DACH2: variants seen among roughly 807,000 people sequenced by gnomAD.
The protein encoded by DACH2 is dachshund family transcription factor 2, also known as dachshund homolog 2.
DACH2 carries 17 observed loss-of-function variants against 35.8 expected under a neutral mutation model. That is an observed-to-expected ratio of 0.48 (90% CI 0.33 to 0.71). The LOEUF (loss-of-function observed/expected upper bound fraction) is 0.71, where lower values mean the gene tolerates loss of function less well. Ranked by LOEUF, DACH2 falls within the 30% of genes least tolerant of loss-of-function variation. The probability of loss-of-function intolerance (pLI) is 0.02; values close to 1 mark genes in which losing one functional copy is unlikely to be tolerated. For synonymous variants in DACH2, 195 were observed against 177.3 expected (o/e 1.10, Z -0.79); for missense variants, 469 against 472.7 (o/e 0.99, Z 0.07).
At position 86,538,442 on chromosome X, in the gene DACH2, A is replaced by T. The variant is rs73245334; in HGVS notation, c.640+24051A>T. Among the ~76,000 whole-genome samples the T allele has an allele frequency of 8.5e-4, 95 of 111,958 alleles. 1 individual carries two copies. The highest frequency in any genetic ancestry group is 6.7e-3 in the South Asian group (18 of 2,685). On this transcript the variant is annotated intron_variant, in intron 3 of 11. Coordinates refer to ENST00000373125, the MANE Select transcript of DACH2 (RefSeq NM_053281.3). ...ACATTTTCAGGTACTTGTTATTAAC[A>T]ATAGCCCCACTTCTCAGCAATAATT...
intron 6 of DACH2, among the ~76,000 whole-genome samples, chrX:86,736,854 T>C (rs1168757906): frequency 9.0e-6 from 1 of 111,471 alleles, no homozygotes; most frequent in Admixed American, 9.6e-5. Context: ...CAGAGGTCCA[T>C]TAGAGATAAA....
intron 1 of DACH2, among the ~76,000 whole-genome samples, chrX:86,332,844 A>C (rs1270077491): frequency 8.9e-6 from 1 of 112,041 alleles, no homozygotes; most frequent in Non-Finnish European, 1.9e-5. Flanking sequence ...TCATCTCACC[A>C]AATGTATAAG....
chrX:86,704,785 C>A (rs1428786963), intron 5 of DACH2, among the ~76,000 whole-genome samples: 1 of 110,784 alleles, frequency 9.0e-6, no homozygotes, highest in Admixed American at 9.6e-5. Context: ...GGGAACACTT[C>A]TACACTGCTG....
chrX:86,338,652 A>G (rs2035360567), intron 1 of DACH2, among the ~76,000 whole-genome samples: 2 of 111,903 alleles, frequency 1.8e-5, no homozygotes, highest in African/African-American at 6.5e-5. Context: ...ATCAAAATTA[A>G]AAGAACTAGC....
At chrX:86,294,186 A>C (rs1421022574) in intron 1 of DACH2, among the ~76,000 whole-genome samples, 2 of 110,718 alleles carry the variant, frequency 1.8e-5, no homozygotes, top group African/African-American at 6.6e-5. Flanking sequence ...ATCTTCCATC[A>C]CTGATACGCT....
chrX:86,475,825 G>A (rs12860740), intron 2 of DACH2, among the ~76,000 whole-genome samples: 23,873 of 110,895 alleles, frequency 0.22, 2,307 homozygotes, highest in Middle Eastern at 0.38. Flanking sequence ...TGGTTCTATC[G>A]TATATGGCTT....
chrX:86,781,560 G>T (rs1159200565), intron 7 of DACH2, among the ~76,000 whole-genome samples: 1 of 111,305 alleles, frequency 9.0e-6, no homozygotes, highest in African/African-American at 3.3e-5. Flanking sequence ...ATCATATTAA[G>T]CAGCCAACTG....
intron 4 of DACH2, among the ~76,000 whole-genome samples, chrX:86,658,172 G>T (rs1255907398): frequency 1.8e-5 from 2 of 111,517 alleles, no homozygotes; most frequent in African/African-American, 3.2e-5. Context: ...CATACTTCAT[G>T]ACCTAAGGAA....
intron 2 of DACH2, among the ~76,000 whole-genome samples, chrX:86,445,091 G>T (rs2037238019): frequency 9.1e-6 from 1 of 110,479 alleles, no homozygotes; most frequent in Non-Finnish European, 1.9e-5. Flanking sequence ...TGTTTTTATA[G>T]TTTTCTGAAG....
intron 1 of DACH2, among the ~76,000 whole-genome samples, chrX:86,295,667 G>A (rs1331299996): frequency 9.0e-6 from 1 of 110,889 alleles, no homozygotes; most frequent in African/African-American, 3.3e-5. Context: ...CATCAGCTGA[G>A]TTTGGTCGGG....
In DACH2 at chrX:86,789,637, C is replaced by A. The variant is rs777187248; in HGVS notation, c.1241-23219C>A. On this transcript the variant is annotated intron_variant, in intron 7 of 11. Transcript: ENST00000373125. ...CTGCCATCTTTTAAGCCCTAGATAACATGATATAGCTCTACCTTGGTTCTA... is the reference window on the plus strand; with the variant it reads ...CTGCCATCTTTTAAGCCCTAGATAAAATGATATAGCTCTACCTTGGTTCTA... Among the ~76,000 whole-genome samples the A allele has an allele frequency of 9.8e-5, 11 of 111,727 alleles. No individual in the cohort carries two copies. In the South Asian group the frequency reaches 4.1e-3, roughly 41 times the overall value.
chrX:86,402,401 G>T (rs1015337556), intron 2 of DACH2, among the ~76,000 whole-genome samples: 1 of 111,642 alleles, frequency 9.0e-6, no homozygotes, highest in Non-Finnish European at 1.9e-5. Context: ...CAGGCTGAGA[G>T]TCAAATCAGG....
intron 1 of DACH2, among the ~76,000 whole-genome samples, chrX:86,166,895 G>A (rs1247804452): frequency 9.0e-6 from 1 of 111,574 alleles, no homozygotes; most frequent in African/African-American, 3.2e-5. Context: ...AACCAGCCTT[G>A]CATCCCAGCG....
chrX:86,149,693 G>A (rs907516969), intron 1 of DACH2, among the ~76,000 whole-genome samples: 14 of 112,344 alleles, frequency 1.2e-4, no homozygotes, highest in Non-Finnish European at 2.4e-4. Context: ...TGGTGTGTAT[G>A]TGTGCAAGTG....
chrX:86,479,279 C>G (rs985082914), intron 2 of DACH2, among the ~76,000 whole-genome samples: 1 of 110,638 alleles, frequency 9.0e-6, no homozygotes, highest in African/African-American at 3.3e-5. Flanking sequence ...GGCGGGCCAG[C>G]GTGGTCTTGG....
At chrX:86,457,004 C>A (rs2037487415) in intron 2 of DACH2, among the ~76,000 whole-genome samples, 1 of 111,446 alleles carries the variant, frequency 9.0e-6, no homozygotes, top group South Asian at 3.7e-4. Context: ...TCTTTTTAAT[C>A]TGACCTCTAT....
chrX:86,329,054 G>A lies in DACH2; in HGVS notation c.489-47770G>A, dbSNP rs1026093569. On this transcript the variant is annotated intron_variant, in intron 1 of 11. Coordinates refer to ENST00000373125, the MANE Select transcript of DACH2 (RefSeq NM_053281.3). ...ATTCCTTGGGAAAACAGATTTTACT[G>A]TGTATGTGCGGATGGGGAGGGGTAT... Among the ~76,000 whole-genome samples, 4 of 111,413 alleles carry A rather than the reference G, an allele frequency of 3.6e-5. 1 individual carries two copies. Among genetic ancestry groups the A allele is most frequent in the African/African-American group, 1.3e-4 (4 of 30,630 alleles).
chrX:86,449,469 A>T (rs1379499542), intron 2 of DACH2, among the ~76,000 whole-genome samples: 2 of 111,423 alleles, frequency 1.8e-5, no homozygotes, highest in African/African-American at 6.5e-5. Context: ...TAAGTGGAGA[A>T]TTTAATCAAT....
At chrX:86,731,550 TA>T (rs2041532736) in intron 6 of DACH2, among the ~76,000 whole-genome samples, 1 of 112,248 alleles carries the variant, frequency 8.9e-6, no homozygotes, top group Non-Finnish European at 1.9e-5. Flanking sequence ...GAATTCTCTA[TA>T]AAAGTGAATG....
Sources: gnomAD v4.1 joint callset for allele counts (sites outside exome capture counted in the v4.1 genomes callset) on GRCh38, gnomAD v4.1.1 for gene constraint, MANE v1.5 for transcripts, NCBI Gene and HGNC (gene_info 2026-07-23, HGNC 2026-07-21) for gene names.